The following PCDH11X variants were observed in gnomAD, a reference collection of about 807,000 sequenced individuals.
PCDH11X encodes the protein protocadherin 11 X-linked.
PCDH11X carries 18 observed loss-of-function variants against 53.3 expected under a neutral mutation model. The observed-to-expected ratio is 0.34, with a 90% confidence interval of 0.23 to 0.50. The LOEUF is 0.50. Among genes scored for constraint, PCDH11X ranks in the 20% least tolerant of loss-of-function variants. PCDH11X has a pLI of 0.98. For synonymous variants in PCDH11X, 279 were observed against 393.3 expected, an observed-to-expected ratio of 0.71 and a Z score of 3.44; for missense variants, 570 against 1,032.4, an observed-to-expected ratio of 0.55 and a Z score of 6.14.
chrX:92,421,484 C>A (rs1268294846), intron 9 of PCDH11X, among the ~76,000 whole-genome samples: 1 of 111,574 alleles, frequency 9.0e-6, no homozygotes, highest in Admixed American at 9.5e-5. Context: ...TGTGTATAGG[C>A]ACTACGTATT....
chrX:92,609,574 GT>G (rs1927151163), intron 10 of PCDH11X, among the ~76,000 whole-genome samples: 1 of 111,518 alleles, frequency 9.0e-6, no homozygotes, highest in African/African-American at 3.2e-5. Context: ...ATATTAGCCA[GT>G]TTTTTAATTG....
chrX:92,068,649 C>T (rs747847861), intron 6 of PCDH11X, among the ~76,000 whole-genome samples: 2 of 109,627 alleles, frequency 1.8e-5, no homozygotes, highest in Admixed American at 2.0e-4. Flanking sequence ...AAGTGATTTT[C>T]CAGCCTCCGT....
intron 6 of PCDH11X, among the ~76,000 whole-genome samples, chrX:92,133,101 T>G (rs2065023959): frequency 9.0e-6 from 1 of 111,233 alleles, no homozygotes; most frequent in Admixed American, 9.7e-5. Context: ...CATTCGTTTA[T>G]ATATGAAGAG....
chrX:92,310,604 G>T (rs1470476006), intron 8 of PCDH11X, among the ~76,000 whole-genome samples: 1 of 109,790 alleles, frequency 9.1e-6, no homozygotes, highest in African/African-American at 3.3e-5. Context: ...AGCCAGTCTG[G>T]TCTCGAACTC....
chrX:92,524,318 G>A (rs1304711087), intron 10 of PCDH11X, among the ~76,000 whole-genome samples: 1 of 110,163 alleles, frequency 9.1e-6, no homozygotes, highest in Non-Finnish European at 1.9e-5. Context: ...CAGGTTAATA[G>A]GGGAAAATCC....
At chrX:92,319,125 C>T (rs2522743) in intron 8 of PCDH11X, among the ~76,000 whole-genome samples, 1 of 111,784 alleles carries the variant, frequency 8.9e-6, no homozygotes. Flanking sequence ...TCTATCAAAA[C>T]GTTTTGTGAA....
At chrX:92,212,555 G>A (rs922235981) in intron 7 of PCDH11X, among the ~76,000 whole-genome samples, 4 of 110,811 alleles carry the variant, frequency 3.6e-5, no homozygotes, top group African/African-American at 1.3e-4. Flanking sequence ...TCTCCATGTT[G>A]GTCAGGCTGG....
intron 10 of PCDH11X, among the ~76,000 whole-genome samples, chrX:92,479,812 C>T (rs2073465201): frequency 9.2e-6 from 1 of 108,457 alleles, no homozygotes; most frequent in Non-Finnish European, 1.9e-5. Flanking sequence ...CTTGGAGAAT[C>T]TGATGATTGT....
At chrX:92,013,392 C>A (rs1328152997) in intron 6 of PCDH11X, among the ~76,000 whole-genome samples, 2 of 111,467 alleles carry the variant, frequency 1.8e-5, no homozygotes, top group African/African-American at 3.3e-5. Flanking sequence ...AGGATACAAA[C>A]AAATGGAAGA....
At chrX:92,354,503 C>A (rs1182513499) in intron 8 of PCDH11X, among the ~76,000 whole-genome samples, 6 of 110,226 alleles carry the variant, frequency 5.4e-5, no homozygotes, top group African/African-American at 9.9e-5. Context: ...TATACCCAAC[C>A]CTCTCTTTTG....
intron 7 of PCDH11X, among the ~76,000 whole-genome samples, chrX:92,203,520 C>T (rs984310348): frequency 8.9e-6 from 1 of 112,404 alleles, no homozygotes; most frequent in Admixed American, 9.4e-5. Context: ...AGTTTTGCCA[C>T]GTTTGAAACT....
At chrX:92,103,691 A>C (rs186536304) in intron 6 of PCDH11X, among the ~76,000 whole-genome samples, 42 of 112,320 alleles carry the variant, frequency 3.7e-4, no homozygotes, top group African/African-American at 1.3e-3. Context: ...GATTTCCGGC[A>C]TGTGTAACAA....
chrX:92,464,513 G>A (rs1334149817), intron 9 of PCDH11X, among the ~76,000 whole-genome samples: 1 of 110,719 alleles, frequency 9.0e-6, no homozygotes, highest in African/African-American at 3.3e-5. Flanking sequence ...GTTTCATGGG[G>A]CCTTTCCAGC....
chrX:92,622,952 T>G lies in PCDH11X; in HGVS notation c.*4012T>G, dbSNP rs2148826025. 1 of 111,382 alleles carries G rather than the reference T, an allele frequency of 9.0e-6. No individual in the cohort carries two copies. Among genetic ancestry groups the G allele is most frequent in the South Asian group, 3.7e-4 (1 of 2,672 alleles). 9.2% of individuals were successfully genotyped at this position (111,382 alleles called of 1,213,427 possible). On this transcript the variant is annotated 3_prime_UTR_variant, in exon 11 of 11. Coordinates refer to ENST00000682573, the MANE Select transcript of PCDH11X (RefSeq NM_032968.5). ...TTTTAAAGAGTAAACTGTGTGAAAT[T>G]TATACTATCCCTGCTTAAAATATTA...
rs183630882 is a variant in PCDH11X at position 91,865,021 on chromosome X, C to A, written c.541-11760C>A. On this transcript the variant is annotated intron_variant, in intron 5 of 10. Transcript: ENST00000682573. ...TTTATCTAGGCTTTGTCCTGGGTGA[C>A]TTATTTAGTTCATTTGGTGCGATCA... 2.4e-3 allele frequency among the ~76,000 whole-genome samples: 270 copies of A among 110,916 alleles called. 2 individuals carry two copies. The highest frequency in any genetic ancestry group is 8.4e-3 in the African/African-American group (256 of 30,490).
chrX:92,024,576 C>T (rs193011619), intron 6 of PCDH11X, among the ~76,000 whole-genome samples: 2,068 of 108,663 alleles, frequency 0.019, 22 homozygotes, highest in Non-Finnish European at 0.028. Flanking sequence ...ATCGTGAAAA[C>T]GGCCATACTG....
chrX:92,036,697 T>C (rs190705958), intron 6 of PCDH11X, among the ~76,000 whole-genome samples: 184 of 111,304 alleles, frequency 1.7e-3, no homozygotes, highest in African/African-American at 5.9e-3. Context: ...GGGGCGCTGC[T>C]GAAAAGATAC....
chrX:91,825,185 A>G (rs1239985489), intron 4 of PCDH11X, among the ~76,000 whole-genome samples: 3 of 108,315 alleles, frequency 2.8e-5, no homozygotes, highest in Non-Finnish European at 5.6e-5. Context: ...GGCCTCCTTG[A>G]GCTGTGGTGG....
At chrX:91,883,728 C>T (rs924224009) in intron 6 of PCDH11X, 1 of 562,248 alleles carries the variant, frequency 1.8e-6, no homozygotes, top group Admixed American at 9.2e-5. Context: ...TAGCGTGAAC[C>T]CGGGAGGCGG....
Sources: gnomAD v4.1 joint callset for allele counts (sites outside exome capture counted in the v4.1 genomes callset) on GRCh38, gnomAD v4.1.1 for gene constraint, MANE v1.5 for transcripts, NCBI Gene and HGNC (gene_info 2026-07-23, HGNC 2026-07-21) for gene names.